The following KCTD16 variants were observed in gnomAD, a reference collection of about 807,000 sequenced individuals.
KCTD16 encodes the protein BTB/POZ domain-containing protein KCTD16.
Under a neutral mutation model 33.2 loss-of-function variants are expected in KCTD16, and 13 were observed. The ratio of observed to expected loss-of-function variants is 0.39; its 90% CI spans 0.25 to 0.62. The LOEUF (loss-of-function observed/expected upper bound fraction) is 0.62, where lower values mean the gene tolerates loss of function less well. Among genes scored for constraint, KCTD16 ranks in the 20% least tolerant of loss-of-function variants. KCTD16 has a pLI of 0.50. For missense variants in KCTD16, 441 were observed against 525.1 expected (o/e 0.84, Z 1.57); for synonymous variants, 197 against 195.3 (o/e 1.01, Z -0.07).
intron 3 of KCTD16, among the ~76,000 whole-genome samples, chr5:144,226,352 T>A (rs535936654): frequency 9.2e-5 from 14 of 152,344 alleles, no homozygotes; most frequent in African/African-American, 3.1e-4. Context: ...GTCTGTCTGA[T>A]ACCAAAGACT....
chr5:144,275,358 A>C (rs922697539), intron 3 of KCTD16, among the ~76,000 whole-genome samples: 1 of 152,192 alleles, frequency 6.6e-6, no homozygotes, highest in Non-Finnish European at 1.5e-5. Context: ...CCTAATAACC[A>C]GAGCACATTC....
chr5:144,207,446 A>T lies in KCTD16; in HGVS notation c.732A>T (p.Gly244=). The T allele has an allele frequency of 6.2e-7, 1 of 1,614,234 alleles. No homozygotes were observed. Among genetic ancestry groups the T allele is most frequent in the African/African-American group, 1.3e-5 (1 of 75,060 alleles). ...CTTTTGATATGTTGTCAGAGTGTGG[A>T]TTCCACATGGTGGCCTGTAACTCAT... ...ERAFDMLSEC[G]FHMVACNSSV... The change falls in exon 3 of 4, where the codon GGA becomes GGT. Residue 244 remains glycine, a synonymous_variant. Coordinates refer to ENST00000512467, the MANE Select transcript of KCTD16 (RefSeq NM_020768.4).
chr5:144,191,288 C>T (rs1752836233), intron 2 of KCTD16, among the ~76,000 whole-genome samples: 4 of 152,102 alleles, frequency 2.6e-5, no homozygotes, highest in African/African-American at 9.7e-5. Flanking sequence ...CGTTGAGAAA[C>T]TTGTTTCTGT....
At chr5:144,313,574 C>G (rs937304403) in intron 3 of KCTD16, among the ~76,000 whole-genome samples, 1 of 152,146 alleles carries the variant, frequency 6.6e-6, no homozygotes, top group Admixed American at 6.6e-5. Flanking sequence ...GCAACTGATT[C>G]AGATTTACGA....
chr5:144,195,510 T>G (rs1414238975), intron 2 of KCTD16, among the ~76,000 whole-genome samples: 2 of 152,210 alleles, frequency 1.3e-5, no homozygotes, highest in African/African-American at 4.8e-5. Flanking sequence ...CAGTGTTCAC[T>G]GGCACACAAG....
intron 1 of KCTD16, among the ~76,000 whole-genome samples, chr5:144,173,358 A>G (rs769981956): frequency 1.3e-5 from 2 of 152,248 alleles, no homozygotes; most frequent in Non-Finnish European, 2.9e-5. Context: ...GCAGGACATT[A>G]TCCTTAGCAA....
chr5:144,301,709 C>G (rs1479274668), intron 3 of KCTD16, among the ~76,000 whole-genome samples: 2 of 152,184 alleles, frequency 1.3e-5, no homozygotes, highest in African/African-American at 2.4e-5. Context: ...TACCACTTTG[C>G]TAATCAACCC....
At chr5:144,195,019 TTG>T (rs911414523) in intron 2 of KCTD16, among the ~76,000 whole-genome samples, 29 of 152,322 alleles carry the variant, frequency 1.9e-4, no homozygotes, top group African/African-American at 5.8e-4. Flanking sequence ...TAGATTTCCT[TTG>T]TGTCACACAC....
At chr5:144,305,136 C>A (rs952727449) in intron 3 of KCTD16, among the ~76,000 whole-genome samples, 1 of 151,978 alleles carries the variant, frequency 6.6e-6, no homozygotes, top group Non-Finnish European at 1.5e-5. Flanking sequence ...AAGGTTAAGA[C>A]CCTCTCTTAA....
At chr5:144,414,795 A>G (rs1753009431) in intron 3 of KCTD16, among the ~76,000 whole-genome samples, 1 of 152,170 alleles carries the variant, frequency 6.6e-6, no homozygotes, top group African/African-American at 2.4e-5. Context: ...CTTTCCCAAG[A>G]CACAATAATG....
At chr5:144,471,834 A>G (rs2127001214) in intron 3 of KCTD16, among the ~76,000 whole-genome samples, 1 of 152,320 alleles carries the variant, frequency 6.6e-6, no homozygotes, top group South Asian at 2.1e-4. Flanking sequence ...TATAAATACG[A>G]TGATTACTCA....
intron 3 of KCTD16, among the ~76,000 whole-genome samples, chr5:144,460,498 G>A (rs1754171244): frequency 6.6e-6 from 1 of 152,186 alleles, no homozygotes; most frequent in Non-Finnish European, 1.5e-5. Flanking sequence ...CTGGAGTGCA[G>A]TGGCAAAATC....
At chr5:144,307,411 C>T (rs1478667881) in intron 3 of KCTD16, among the ~76,000 whole-genome samples, 2 of 152,182 alleles carry the variant, frequency 1.3e-5, no homozygotes, top group Non-Finnish European at 2.9e-5. Flanking sequence ...TCTTGCTTTC[C>T]TCCATACCCC....
In KCTD16 at chr5:144,480,994, C is replaced by G. The variant is rs76963304; in HGVS notation, c.*6880C>G. The G allele has an allele frequency of 8.6e-5, 13 of 152,040 alleles. No individual in the cohort carries two copies. In the East Asian group the frequency reaches 2.3e-3, roughly 27 times the overall value. 9.4% of individuals were successfully genotyped at this position (152,040 alleles called of 1,614,324 possible). Reference sequence around the variant, plus strand: ...TATTTGAAGTTAGACATAATTATCTCTTTATGCAGATGTGAAAGCTGAGAT... The same window carrying G: ...TATTTGAAGTTAGACATAATTATCTGTTTATGCAGATGTGAAAGCTGAGAT... On this transcript the variant is annotated 3_prime_UTR_variant, in exon 4 of 4. Transcript: ENST00000512467.
intron 3 of KCTD16, among the ~76,000 whole-genome samples, chr5:144,304,555 A>T (rs1751539060): frequency 6.6e-6 from 1 of 152,032 alleles, no homozygotes; most frequent in Non-Finnish European, 1.5e-5. Flanking sequence ...GCATTTTTTC[A>T]TTGAGGGTAT....
chr5:144,449,236 C>T (rs969786990), intron 3 of KCTD16, among the ~76,000 whole-genome samples: 16 of 151,676 alleles, frequency 1.1e-4, no homozygotes, highest in African/African-American at 3.6e-4. Flanking sequence ...AACCAGAAAA[C>T]GTAATGAAAT....
At chr5:144,186,555 C>T (rs1483328425) in intron 2 of KCTD16, among the ~76,000 whole-genome samples, 3 of 152,104 alleles carry the variant, frequency 2.0e-5, no homozygotes, top group Non-Finnish European at 4.4e-5. Flanking sequence ...AAAAGTCTGT[C>T]TCAAAGCTCT....
At chr5:144,185,869 A>G (rs910472317) in intron 2 of KCTD16, among the ~76,000 whole-genome samples, 1 of 152,188 alleles carries the variant, frequency 6.6e-6, no homozygotes, top group Non-Finnish European at 1.5e-5. Flanking sequence ...AGTATTTTAC[A>G]TGTATTGGCT....
At chr5:144,312,400 C>G (rs956333577) in intron 3 of KCTD16, among the ~76,000 whole-genome samples, 2 of 152,134 alleles carry the variant, frequency 1.3e-5, no homozygotes, top group African/African-American at 4.8e-5. Context: ...AGATAAGCTC[C>G]CTACCTCCCT....
Sources: allele counts gnomAD v4.1 joint callset (sites outside exome capture counted in the v4.1 genomes callset), GRCh38; gene constraint gnomAD v4.1.1; transcripts MANE v1.5; gene names NCBI Gene and HGNC (gene_info 2026-07-23, HGNC 2026-07-21).